ACSL5: variants seen among roughly 807,000 people sequenced by gnomAD.
ACSL5 encodes acyl-CoA synthetase long chain family member 5.
A neutral mutation model predicts 84.9 loss-of-function variants in ACSL5; 50 were observed. The ratio of observed to expected loss-of-function variants is 0.59; its 90% CI spans 0.47 to 0.75. The LOEUF is 0.75. Ranked by LOEUF, ACSL5 falls within the 30% of genes least tolerant of loss-of-function variation. ACSL5 has a pLI of 0.00. For missense variants in ACSL5, 775 were observed against 830.4 expected (o/e 0.93, Z 0.82); for synonymous variants, 280 against 300.7 (o/e 0.93, Z 0.71).
At chr10:112,427,148 G>C in intron 20 of ACSL5, 70 bp from the exon 21 acceptor site, 2 of 1,488,150 alleles carry the variant, frequency 1.3e-6, no homozygotes, top group African/African-American at 2.8e-5. Flanking sequence ...TCTTCACAGA[G>C]CACTCAGGGG....
At chr10:112,426,500 G>A in intron 19 of ACSL5, 141 bp downstream of exon 19, 2 of 674,236 alleles carry the variant, frequency 3.0e-6, no homozygotes. Flanking sequence ...GGATAGGATG[G>A]AGAGTTTAAA....
chr10:112,407,241 G>A (rs922231078), intron 5 of ACSL5, among the ~76,000 whole-genome samples: 1 of 151,822 alleles, frequency 6.6e-6, no homozygotes, highest in Non-Finnish European at 1.5e-5. Flanking sequence ...TTTATTTTTT[G>A]TGAGACGGAG....
rs1039688846 is a variant in ACSL5, at chr10:112,404,916, A to G, written c.432+110A>G. The G allele has an allele frequency of 2.2e-5, 21 of 965,064 alleles. No individual in the cohort carries two copies. The African/African-American group carries it at 3.3e-4, about 15-fold the overall frequency. The allele number at this position is 965,064 out of a possible 1,614,324, so 59.8% of individuals were successfully genotyped here. On this transcript the variant is annotated intron_variant, in intron 5 of 20. Coordinates refer to ENST00000354655, the MANE Select transcript of ACSL5 (RefSeq NM_203379.2). ...CACTTGTTAATGCCTTACCAAAGCTATTGTTAAAATTTTCTAATGCTTATT... is the reference window on the plus strand; with the variant it reads ...CACTTGTTAATGCCTTACCAAAGCTGTTGTTAAAATTTTCTAATGCTTATT...
At chr10:112,417,708 C>A in intron 13 of ACSL5, 138 bp from the exon 14 acceptor site, 3 of 714,848 alleles carry the variant, frequency 4.2e-6, no homozygotes, top group Non-Finnish European at 5.0e-6. Flanking sequence ...ATTCTAAGTG[C>A]TTTGTAAATT....
chr10:112,415,590 T>C (rs991251511), intron 12 of ACSL5, among the ~76,000 whole-genome samples: 2 of 152,194 alleles, frequency 1.3e-5, no homozygotes, highest in African/African-American at 4.8e-5. Context: ...CAGGAAGCAT[T>C]TGAGCATGGA....
At chr10:112,407,500 G>A (rs1844069142) in intron 5 of ACSL5, among the ~76,000 whole-genome samples, 1 of 152,040 alleles carries the variant, frequency 6.6e-6, no homozygotes, top group Non-Finnish European at 1.5e-5. Context: ...GGGATTACAG[G>A]CATGAACCAC....
At chr10:112,387,763 A>G (rs1849481342) in intron 1 of ACSL5, among the ~76,000 whole-genome samples, 1 of 152,150 alleles carries the variant, frequency 6.6e-6, no homozygotes, top group Non-Finnish European at 1.5e-5. Context: ...TTAGCTTTCT[A>G]TCACCATAGG....
rs766497676 is a variant in ACSL5 at position 112,411,928 on chromosome 10, T to C, written c.897T>C (p.Asp299=). 5 of 1,614,074 alleles carry C rather than the reference T, an allele frequency of 3.1e-6. No homozygotes were observed. The highest frequency in any genetic ancestry group is 4.2e-6 in the Non-Finnish European group (5 of 1,179,908). Residue 299 remains aspartate (D), a synonymous_variant, in exon 11 of 21, where the codon GAT becomes GAC. Transcript: ENST00000354655. ...ATGCTTATGAGCCCACTCCTGATGA[T>C]GTGGCCATATCCTACCTCCCTCTGG... ...VEHAYEPTPD[D]VAISYLPLAH...
intron 1 of ACSL5, among the ~76,000 whole-genome samples, chr10:112,393,963 T>C (rs914123527): frequency 1.3e-5 from 2 of 152,194 alleles, no homozygotes; most frequent in African/African-American, 4.8e-5. Flanking sequence ...TGGCATACAG[T>C]GAGTGCTCAT....
At position 112,400,581 on chromosome 10, in the gene ACSL5, G is replaced by A. The variant is rs187440791; in HGVS notation, c.265+1572G>A. 2.7e-3 allele frequency among the ~76,000 whole-genome samples: 413 copies of A among 151,672 alleles called. 1 individual carries two copies. The highest frequency in any genetic ancestry group is 3.5e-3 in the Non-Finnish European group (238 of 67,894). ...CTGCCACCATGCTTGGCTGATTTTT[G>A]TATTTTTAGTAGAGATGGGGTTTCA... On this transcript the variant is annotated intron_variant, in intron 3 of 20. Transcript: ENST00000354655.
chr10:112,390,795 A>G (rs1026111092), intron 1 of ACSL5, among the ~76,000 whole-genome samples: 2 of 152,204 alleles, frequency 1.3e-5, no homozygotes, highest in Admixed American at 6.5e-5. Context: ...AAATTATACT[A>G]TGTAAAAGAA....
rs536360557 is a variant in ACSL5 at position 112,376,348 on chromosome 10, C to T, written c.-30+2079C>T. 66 of 1,614,140 alleles carry T rather than the reference C, an allele frequency of 4.1e-5. No individual in the cohort carries two copies. In the South Asian group the frequency reaches 6.0e-4, roughly 15 times the overall value. ...AGCCACCCTGTCTCTGGAGGAACCA[C>T]GAGCGAGGGAAGAAGGACAGGGACT... On this transcript the variant is annotated intron_variant, in intron 1 of 20. Coordinates refer to ENST00000354655, the MANE Select transcript of ACSL5 (RefSeq NM_203379.2).
At chr10:112,402,931 A>G (rs1422263691) in intron 3 of ACSL5, among the ~76,000 whole-genome samples, 1 of 152,260 alleles carries the variant, frequency 6.6e-6, no homozygotes, top group Non-Finnish European at 1.5e-5. Flanking sequence ...ACTTAGCTTT[A>G]AAAGCTGAGA....
At chr10:112,392,580 A>T (rs1430508737) in intron 1 of ACSL5, among the ~76,000 whole-genome samples, 1 of 152,122 alleles carries the variant, frequency 6.6e-6, no homozygotes, top group Non-Finnish European at 1.5e-5. Flanking sequence ...TCTCTACTAA[A>T]AATACAAAAA....
intron 1 of ACSL5, among the ~76,000 whole-genome samples, chr10:112,382,382 G>A (rs1203776011): frequency 6.6e-6 from 1 of 152,240 alleles, no homozygotes; most frequent in Non-Finnish European, 1.5e-5. Context: ...TGAGTAAAAG[G>A]TGAAGGTGGC....
At chr10:112,411,665 G>A in intron 10 of ACSL5, 136 bp downstream of exon 10, 1 of 921,636 alleles carries the variant, frequency 1.1e-6, no homozygotes, top group Non-Finnish European at 1.7e-6. Context: ...GCTGGAGTGT[G>A]GACAAACACC....
At chr10:112,423,993 CT>C (rs1388072469) in intron 17 of ACSL5, among the ~76,000 whole-genome samples, 1 of 152,166 alleles carries the variant, frequency 6.6e-6, no homozygotes, top group Admixed American at 6.5e-5. Flanking sequence ...ACCCAAAAAA[CT>C]TTGGTTTGAT....
chr10:112,427,874 CA>C lies in ACSL5; in HGVS notation c.*517del, dbSNP rs973275153. 3.9e-5 allele frequency: 6 copies of C among 152,720 alleles called. No homozygotes were observed. Among genetic ancestry groups the C allele is most frequent in the Admixed American group, 2.6e-4 (4 of 15,284 alleles). The allele number at this position is 152,720 out of a possible 1,614,324, so 9.5% of individuals were successfully genotyped here. On this transcript the variant is annotated 3_prime_UTR_variant, in exon 21 of 21. Coordinates refer to ENST00000354655, the MANE Select transcript of ACSL5 (RefSeq NM_203379.2). Reference sequence around the variant, plus strand: ...AAAATTTTAGTTTTAGCCTATCACTCATGTCAATCATATCTATGAGACAAAT... The same window carrying C: ...AAAATTTTAGTTTTAGCCTATCACTCTGTCAATCATATCTATGAGACAAAT...
chr10:112,418,319 T>C (rs1844365700), intron 14 of ACSL5, among the ~76,000 whole-genome samples: 1 of 152,152 alleles, frequency 6.6e-6, no homozygotes, highest in African/African-American at 2.4e-5. Context: ...TGGTGGCTCA[T>C]GCCTGTAATC....
Sources: gnomAD v4.1 joint callset for allele counts (sites outside exome capture counted in the v4.1 genomes callset) on GRCh38, gnomAD v4.1.1 for gene constraint, MANE v1.5 for transcripts, NCBI Gene and HGNC (gene_info 2026-07-23, HGNC 2026-07-21) for gene names.